ERBB4: variants seen among roughly 807,000 people sequenced by gnomAD.
The protein encoded by ERBB4 is erb-b2 receptor tyrosine kinase 4, also known as receptor tyrosine-protein kinase erbB-4.
In ERBB4, 42 loss-of-function variants were observed where a neutral mutation model predicts 158.0. The observed-to-expected ratio is 0.27, with a 90% CI of 0.21 to 0.34. The LOEUF (loss-of-function observed/expected upper bound fraction) is 0.34. Ranked by LOEUF, ERBB4 falls within the 10% of genes least tolerant of loss-of-function variation. The pLI, the probability that ERBB4 is intolerant of heterozygous loss-of-function variation, is 1.00. For synonymous variants in ERBB4, 583 were observed against 558.7 expected (o/e 1.04, Z -0.61); for missense variants, 1,333 against 1,624.1 (o/e 0.82, Z 3.08).
chr2:212,439,295 T>C (rs1395878388), intron 1 of ERBB4, among the ~76,000 whole-genome samples: 1 of 152,150 alleles, frequency 6.6e-6, no homozygotes, highest in Non-Finnish European at 1.5e-5. Flanking sequence ...GCATACAAAA[T>C]TAAATATTCT....
chr2:211,933,026 G>A (rs2080218381), intron 3 of ERBB4, among the ~76,000 whole-genome samples: 2 of 151,940 alleles, frequency 1.3e-5, no homozygotes, highest in Non-Finnish European at 2.9e-5. Flanking sequence ...AAATCACAAA[G>A]GAGTTGATAA....
intron 1 of ERBB4, among the ~76,000 whole-genome samples, chr2:212,202,672 C>A (rs1470462784): frequency 6.6e-6 from 1 of 152,096 alleles, no homozygotes; most frequent in African/African-American, 2.4e-5. Context: ...TTAAGTTTAT[C>A]TTCATGATAC....
chr2:212,498,981 G>A (rs1690733564), intron 1 of ERBB4, among the ~76,000 whole-genome samples: 1 of 151,866 alleles, frequency 6.6e-6, no homozygotes. Context: ...ATAACCCACA[G>A]CAGGGTCATG....
intron 1 of ERBB4, among the ~76,000 whole-genome samples, chr2:212,146,843 C>T (rs1048173284): frequency 2.0e-5 from 3 of 152,222 alleles, no homozygotes; most frequent in African/African-American, 7.2e-5. Flanking sequence ...TCTTCCCACC[C>T]AGTTATCCCT....
intron 20 of ERBB4, among the ~76,000 whole-genome samples, chr2:211,506,049 GCTAGGACAC>G (rs1424938715): frequency 2.6e-5 from 4 of 151,910 alleles, no homozygotes; most frequent in Non-Finnish European, 5.9e-5. Context: ...CCGTCTAATG[GCTAGGACAC>G]CTAACAGACT....
chr2:211,806,815 C>T lies in ERBB4; in HGVS notation c.422-18656G>A, dbSNP rs908860389. ...TAATCATAGTACATTCTTCCCTCTG[C>T]TATGATTTTTTAAAAGTTGCATGAA... is the stretch of plus-strand genomic sequence containing the variant. On this transcript the variant is annotated intron_variant, in intron 3 of 27. Transcript: ENST00000342788. Among the ~76,000 whole-genome samples the T allele has an allele frequency of 2.0e-5, 3 of 151,980 alleles. No individual in the cohort carries two copies. The East Asian group carries it at 5.8e-4, about 29-fold the overall frequency.
intron 18 of ERBB4, among the ~76,000 whole-genome samples, chr2:211,622,734 G>A (rs995067437): frequency 6.6e-6 from 1 of 151,184 alleles, no homozygotes. Context: ...GGGAAGCCAA[G>A]GCGGGTAGAT....
intron 3 of ERBB4, among the ~76,000 whole-genome samples, chr2:211,928,402 A>C (rs148403559): frequency 2.0e-5 from 3 of 152,300 alleles, no homozygotes; most frequent in Non-Finnish European, 2.9e-5. Context: ...CAACGTGAAC[A>C]CCAGAGGACT....
intron 3 of ERBB4, among the ~76,000 whole-genome samples, chr2:211,804,374 G>A (rs184742772): frequency 6.6e-6 from 1 of 152,296 alleles, no homozygotes; most frequent in East Asian, 1.9e-4. Context: ...GGGAGTAGAC[G>A]TGGCATAGGA....
intron 3 of ERBB4, among the ~76,000 whole-genome samples, chr2:211,840,574 G>C (rs2077448870): frequency 6.6e-6 from 1 of 151,890 alleles, no homozygotes; most frequent in Non-Finnish European, 1.5e-5. Flanking sequence ...CTTTAAAAAA[G>C]GTTCTTCAGA....
chr2:211,439,152 A>T (rs947510716), intron 20 of ERBB4, among the ~76,000 whole-genome samples: 1 of 152,064 alleles, frequency 6.6e-6, no homozygotes, highest in African/African-American at 2.4e-5. Context: ...CTCGTGGGAT[A>T]TTGACACTCC....
In ERBB4 at chr2:212,330,155, T is replaced by C. The variant is rs78253890; in HGVS notation, c.83-205252A>G. Among the ~76,000 whole-genome samples the C allele has an allele frequency of 1.8e-3, 267 of 152,220 alleles. 1 individual carries two copies. The highest frequency in any genetic ancestry group is 6.0e-3 in the African/African-American group (251 of 41,564). On this transcript the variant is annotated intron_variant, in intron 1 of 27. Transcript: ENST00000342788. ...CTAACAACCATTGTGTGACCATTCATGGGCCACTTAGGGCTTGCTGGATAC... is the reference window on the plus strand; with the variant it reads ...CTAACAACCATTGTGTGACCATTCACGGGCCACTTAGGGCTTGCTGGATAC...
chr2:211,653,460 CCCCGCCCCCCGCA>C (rs1559383769), intron 16 of ERBB4, among the ~76,000 whole-genome samples: 1 of 141,878 alleles, frequency 7.0e-6, no homozygotes, highest in African/African-American at 2.6e-5. Context: ...AAATCTTCCC[CCCCGCCCCCCGCA>C]CCCGCCCCCC....
chr2:212,271,591 T>A (rs2085345549), intron 1 of ERBB4, among the ~76,000 whole-genome samples: 1 of 151,930 alleles, frequency 6.6e-6, no homozygotes, highest in African/African-American at 2.4e-5. Context: ...AAAACATTAC[T>A]ATGGGCTATG....
At position 212,199,417 on chromosome 2, in the gene ERBB4, C is replaced by T. The variant is rs571697986; in HGVS notation, c.83-74514G>A. On this transcript the variant is annotated intron_variant, in intron 1 of 27. Coordinates refer to ENST00000342788, the MANE Select transcript of ERBB4 (RefSeq NM_005235.3). ...CTTTAAATATTTTAAAAATAATCTA[C>T]CTGGATCCCCAGAACATAACTATTA... 2.6e-5 allele frequency among the ~76,000 whole-genome samples: 4 copies of T among 152,264 alleles called. No individual in the cohort carries two copies. The East Asian group carries it at 7.7e-4, about 29-fold the overall frequency.
chr2:212,063,950 C>T (rs1207680286), intron 2 of ERBB4, among the ~76,000 whole-genome samples: 4 of 152,112 alleles, frequency 2.6e-5, no homozygotes, highest in African/African-American at 9.7e-5. Flanking sequence ...TTCTGGTCCC[C>T]TCTTTGCATT....
chr2:211,946,253 A>T (rs975856116), intron 3 of ERBB4, among the ~76,000 whole-genome samples: 2 of 151,992 alleles, frequency 1.3e-5, no homozygotes, highest in African/African-American at 4.8e-5. Context: ...AAAATATCCC[A>T]ATTTTATTTC....
At chr2:212,263,353 T>C (rs1304444240) in intron 1 of ERBB4, among the ~76,000 whole-genome samples, 2 of 152,164 alleles carry the variant, frequency 1.3e-5, no homozygotes, top group Non-Finnish European at 2.9e-5. Flanking sequence ...ATTAATGCAC[T>C]TTCTATATAG....
intron 1 of ERBB4, among the ~76,000 whole-genome samples, chr2:212,211,617 T>TAAA (rs766982489): frequency 1.1e-5 from 1 of 95,116 alleles, no homozygotes; most frequent in Non-Finnish European, 2.2e-5. Context: ...AAAATTTATC[T>TAAA]AAAAAAAAAA....
Sources: gnomAD v4.1 joint callset for allele counts (sites outside exome capture counted in the v4.1 genomes callset) on GRCh38, gnomAD v4.1.1 for gene constraint, MANE v1.5 for transcripts, NCBI Gene and HGNC (gene_info 2026-07-23, HGNC 2026-07-21) for gene names.